MTFR1: variants seen among roughly 807,000 people sequenced by gnomAD.
The protein encoded by MTFR1 is mitochondrial fission regulator 1.
MTFR1 carries 28 observed loss-of-function variants against 38.8 expected under a neutral mutation model. The ratio of observed to expected loss-of-function variants is 0.72; its 90% CI spans 0.53 to 0.99. The LOEUF is 0.99. Ranked by LOEUF, MTFR1 falls within the 50% of genes least tolerant of loss-of-function variation. The pLI, the probability that MTFR1 is intolerant of heterozygous loss-of-function variation, is 0.00. For missense variants in MTFR1, 358 were observed against 395.5 expected (o/e 0.91, Z 0.81); for synonymous variants, 145 against 137.0 (o/e 1.06, Z -0.41).
chr8:65,767,594 G>A (rs1390467975), intron 3 of MTFR1, among the ~76,000 whole-genome samples: 1 of 152,152 alleles, frequency 6.6e-6, no homozygotes, highest in Non-Finnish European at 1.5e-5. Context: ...TCCCCAGAGA[G>A]GGTCTTGCCC....
chr8:65,676,288 G>A (rs977573969), intron 2 of MTFR1, among the ~76,000 whole-genome samples: 6 of 152,300 alleles, frequency 3.9e-5, no homozygotes, highest in Admixed American at 3.3e-4. Flanking sequence ...ACAATTTTGT[G>A]TGTAATTTTA....
At chr8:65,687,389 A>G (rs1288016425) in intron 3 of MTFR1, among the ~76,000 whole-genome samples, 1 of 147,798 alleles carries the variant, frequency 6.8e-6, no homozygotes, top group Non-Finnish European at 1.5e-5. Context: ...CTTGTCACCC[A>G]GGCTGGAGTG....
At chr8:65,730,823 T>G (rs1463645209) in intron 3 of MTFR1, among the ~76,000 whole-genome samples, 1 of 152,138 alleles carries the variant, frequency 6.6e-6, no homozygotes, top group Admixed American at 6.5e-5. Context: ...CTTGGGAGGC[T>G]GAGACAAGAG....
At chr8:65,771,035 G>C (rs1443463419) in exon 4 of MTFR1, 1 of 382,652 alleles carries the variant, frequency 2.6e-6, no homozygotes, top group Admixed American at 3.1e-5. Flanking sequence ...AAGAGAATAA[G>C]GACTATGACA....
rs1585801628 is a variant in MTFR1, at chr8:65,707,271, A to G, written c.764+15A>G. ...TCAGTGAAGAGGTGAGGATACATTCACCTTCTTTCTTCCCCATTTGTTTGT... is the reference window on the plus strand; with the variant it reads ...TCAGTGAAGAGGTGAGGATACATTCGCCTTCTTTCTTCCCCATTTGTTTGT... On this transcript the variant is annotated intron_variant, in intron 6 of 7. Coordinates refer to ENST00000262146, the MANE Select transcript of MTFR1 (RefSeq NM_014637.4). 2 of 1,601,346 alleles carry G rather than the reference A, an allele frequency of 1.2e-6. No homozygotes were observed. The highest frequency in any genetic ancestry group is 4.5e-5 in the East Asian group (2 of 44,564).
Position 65,709,183 on chromosome 8 carries a change from G to A in MTFR1, c.*139G>A, listed in dbSNP as rs1027255825. The A allele has an allele frequency of 9.1e-6, 7 of 768,924 alleles. No individual in the cohort carries two copies. Among genetic ancestry groups the A allele is most frequent in the South Asian group, 3.5e-5 (2 of 57,622 alleles). The allele number at this position is 768,924 out of a possible 1,614,324, so 47.6% of individuals were successfully genotyped here. A position where few individuals can be genotyped will look rare whatever the true frequency, so the allele number is the denominator to read the frequency against. On this transcript the variant is annotated 3_prime_UTR_variant, in exon 8 of 8. Coordinates refer to ENST00000262146, the MANE Select transcript of MTFR1 (RefSeq NM_014637.4). ...CTTTTCAGGCTAATTAGTGGATTAAGCAATAATGAAAGCACTAAGTTTGGT... is the reference window on the plus strand; with the variant it reads ...CTTTTCAGGCTAATTAGTGGATTAAACAATAATGAAAGCACTAAGTTTGGT...
intron 3 of MTFR1, among the ~76,000 whole-genome samples, chr8:65,755,401 T>C (rs1285327386): frequency 6.6e-6 from 1 of 152,212 alleles, no homozygotes; most frequent in African/African-American, 2.4e-5. Context: ...CTTTCCTGTT[T>C]TGTGTATTTT....
intron 3 of MTFR1, among the ~76,000 whole-genome samples, chr8:65,742,329 A>G (rs1269030552): frequency 6.6e-6 from 1 of 152,234 alleles, no homozygotes; most frequent in African/African-American, 2.4e-5. Context: ...CTCATGAACC[A>G]GGTGGCTTTA....
downstream of MTFR1, among the ~76,000 whole-genome samples, chr8:65,713,397 C>T (rs1441803058): frequency 2.0e-5 from 3 of 151,298 alleles, no homozygotes; most frequent in Non-Finnish European, 4.4e-5. Flanking sequence ...GCCAAGATCA[C>T]ACCGCTCCAC....
chr8:65,734,828 G>GT, intron 3 of MTFR1: 1 of 1,610,572 alleles, frequency 6.2e-7, no homozygotes, highest in Non-Finnish European at 8.5e-7. Context: ...CATGGCCTGA[G>GT]TAACATCCGC....
intron 3 of MTFR1, among the ~76,000 whole-genome samples, chr8:65,738,439 G>A (rs146154964): frequency 0.014 from 2,136 of 152,234 alleles, 23 homozygotes; most frequent in Non-Finnish European, 0.022. Flanking sequence ...CCTAAAGGAC[G>A]GACAAAGACT....
the MTFR1 span, among the ~76,000 whole-genome samples, chr8:65,776,537 T>C: frequency 6.6e-6 from 1 of 152,174 alleles, no homozygotes; most frequent in Non-Finnish European, 1.5e-5. Context: ...AATCCATAAA[T>C]AACAGTATAT....
At chr8:65,678,746 C>T (rs1275640587) in intron 2 of MTFR1, among the ~76,000 whole-genome samples, 2 of 152,028 alleles carry the variant, frequency 1.3e-5, no homozygotes, top group African/African-American at 2.4e-5. Context: ...ACTAAAAATA[C>T]AAAAATTAGC....
chr8:65,676,901 C>G (rs1237022618), intron 2 of MTFR1, among the ~76,000 whole-genome samples: 2 of 152,110 alleles, frequency 1.3e-5, no homozygotes, highest in East Asian at 3.9e-4. Context: ...TGTCATCCTC[C>G]TCCTTGCTGT....
chr8:65,701,641 T>TAA, intron 4 of MTFR1, among the ~76,000 whole-genome samples: 1 of 152,320 alleles, frequency 6.6e-6, no homozygotes, highest in South Asian at 2.1e-4. Context: ...AACATACTTA[T>TAA]AAAAGTCTGT....
At chr8:65,765,918 C>A (rs1172726656) in intron 3 of MTFR1, among the ~76,000 whole-genome samples, 2 of 152,086 alleles carry the variant, frequency 1.3e-5, no homozygotes, top group Non-Finnish European at 2.9e-5. Context: ...AGTTTAGAGA[C>A]AAATTTAGAG....
rs754547375 is a variant in MTFR1, at chr8:65,709,078, CCT to C, written c.*35_*36del. 1.9e-5 allele frequency: 31 copies of C among 1,605,664 alleles called. No individual in the cohort carries two copies. The highest frequency in any genetic ancestry group is 1.3e-4 in the Admixed American group (8 of 59,958). On this transcript the variant is annotated 3_prime_UTR_variant, in exon 8 of 8. Coordinates refer to ENST00000262146, the MANE Select transcript of MTFR1 (RefSeq NM_014637.4). Reference sequence around the variant, plus strand: ...GAGCTGCGAAAAGACTCCTGGTTCCCCTGTTGATTTGTGAGGGCCAAGTTTGC... The same window carrying C: ...GAGCTGCGAAAAGACTCCTGGTTCCCGTTGATTTGTGAGGGCCAAGTTTGC...
chr8:65,707,523 A>G (rs983398059), intron 6 of MTFR1, among the ~76,000 whole-genome samples: 2 of 152,234 alleles, frequency 1.3e-5, no homozygotes, highest in Non-Finnish European at 2.9e-5. Flanking sequence ...CTCAGTGAGC[A>G]TTCACTAATT....
intron 3 of MTFR1, among the ~76,000 whole-genome samples, chr8:65,690,233 A>G (rs1805230605): frequency 6.6e-6 from 1 of 152,176 alleles, no homozygotes; most frequent in African/African-American, 2.4e-5. Context: ...TTGAATATGT[A>G]TTCTTAGAAA....
Sources: gnomAD v4.1 joint callset for allele counts (sites outside exome capture counted in the v4.1 genomes callset) on GRCh38, gnomAD v4.1.1 for gene constraint, MANE v1.5 for transcripts, NCBI Gene and HGNC (gene_info 2026-07-23, HGNC 2026-07-21) for gene names.